The following SLC2A9 variants were observed in gnomAD, a reference collection of about 807,000 sequenced individuals.
SLC2A9 encodes solute carrier family 2, facilitated glucose transporter member 9.
Under a neutral mutation model 50.6 loss-of-function variants are expected in SLC2A9, and 39 were observed. The ratio of observed to expected loss-of-function variants is 0.77; its 90% CI spans 0.60 to 1.01. SLC2A9 has a LOEUF of 1.01. Ranked by LOEUF, SLC2A9 falls within the 50% of genes least tolerant of loss-of-function variation. The pLI, the probability that SLC2A9 is intolerant of heterozygous loss-of-function variation, is 0.00. For synonymous variants in SLC2A9, 324 were observed against 276.9 expected, an observed-to-expected ratio of 1.17 and a Z score of -1.69; for missense variants, 686 against 677.6, an observed-to-expected ratio of 1.01 and a Z score of -0.14.
intron 8 of SLC2A9, among the ~76,000 whole-genome samples, chr4:9,907,531 AT>A (rs1740909525): frequency 1.3e-5 from 2 of 152,208 alleles, no homozygotes; most frequent in African/African-American, 4.8e-5. Flanking sequence ...GGTCAACTGA[AT>A]GTCCTTTCTC....
chr4:9,778,295 T>C (rs1717850903), downstream of SLC2A9, among the ~76,000 whole-genome samples: 2 of 152,072 alleles, frequency 1.3e-5, no homozygotes, highest in Admixed American at 6.5e-5. Context: ...AATTTTTGCA[T>C]TTTTAGTAGA....
chr4:9,818,073 C>G lies in SLC2A9; in HGVS notation n.420+8347G>C, dbSNP rs1185875787. 2.0e-5 allele frequency among the ~76,000 whole-genome samples: 3 copies of G among 152,318 alleles called. No individual in the cohort carries two copies. The East Asian group carries it at 5.8e-4, about 29-fold the overall frequency. ...TTGAGGATTATAGGTTCACTAGTCA[C>G]CTCCTTGTCGGAGGCCCAGCATCTT... On this transcript the variant is annotated intron_variant and non_coding_transcript_variant, in intron 3 of 3. Coordinates refer to the SLC2A9 transcript ENST00000503280.
At chr4:9,844,534 GTTA>G (rs1338357605) in intron 10 of SLC2A9, among the ~76,000 whole-genome samples, 1 of 152,138 alleles carries the variant, frequency 6.6e-6, no homozygotes, top group African/African-American at 2.4e-5. Context: ...GTTATACTTA[GTTA>G]TGTTCAAGTG....
chr4:9,863,345 C>T (rs1317355941), intron 10 of SLC2A9, among the ~76,000 whole-genome samples: 1 of 151,882 alleles, frequency 6.6e-6, no homozygotes, highest in Non-Finnish European at 1.5e-5. Context: ...TGAGGTCTTG[C>T]TACATTGCCT....
chr4:9,872,517 A>C (rs1341750459), intron 10 of SLC2A9, among the ~76,000 whole-genome samples: 1 of 152,266 alleles, frequency 6.6e-6, no homozygotes, highest in African/African-American at 2.4e-5. Flanking sequence ...TGAATGAATA[A>C]ATTCGATAAA....
intron 10 of SLC2A9, among the ~76,000 whole-genome samples, chr4:9,853,625 C>G (rs985150691): frequency 6.6e-6 from 1 of 152,152 alleles, no homozygotes; most frequent in African/African-American, 2.4e-5. Context: ...TATTTGGGAC[C>G]TGAACTTAAC....
At chr4:10,038,567 G>C (rs1022478061) in intron 1 of SLC2A9, among the ~76,000 whole-genome samples, 1 of 150,532 alleles carries the variant, frequency 6.6e-6, no homozygotes, top group Non-Finnish European at 1.5e-5. Context: ...CCAGGCCACG[G>C]AACAAAGTGT....
downstream of SLC2A9, among the ~76,000 whole-genome samples, chr4:9,778,637 C>T (rs113778944): frequency 5.0e-4 from 76 of 152,296 alleles, no homozygotes; most frequent in African/African-American, 1.8e-3. Flanking sequence ...GACCATTCCT[C>T]CCTCCTCCGG....
At chr4:9,885,820 G>A (rs62293296) in intron 10 of SLC2A9, among the ~76,000 whole-genome samples, 16,689 of 152,252 alleles carry the variant, frequency 0.11, 1,036 homozygotes, top group African/African-American at 0.13. Flanking sequence ...CAACCATGCA[G>A]TCCATTCATT....
intron 1 of SLC2A9, among the ~76,000 whole-genome samples, chr4:9,771,614 G>T (rs867735569): frequency 3.3e-5 from 5 of 152,242 alleles, no homozygotes; most frequent in African/African-American, 1.2e-4. Context: ...ACTCCAAGAG[G>T]CTAAGATGAC....
At chr4:9,954,552 G>T (rs977508739) in intron 5 of SLC2A9, among the ~76,000 whole-genome samples, 5 of 152,192 alleles carry the variant, frequency 3.3e-5, no homozygotes, top group African/African-American at 1.2e-4. Flanking sequence ...ATACATGCAG[G>T]GGGTGAGACC....
At chr4:9,964,235 T>A (rs932182074) in intron 5 of SLC2A9, among the ~76,000 whole-genome samples, 23 of 151,646 alleles carry the variant, frequency 1.5e-4, no homozygotes, top group African/African-American at 5.6e-4. Context: ...TCAACAGGGA[T>A]TGGCCAGGGC....
intron 5 of SLC2A9, among the ~76,000 whole-genome samples, chr4:9,975,652 T>C (rs1754674703): frequency 6.6e-6 from 1 of 151,222 alleles, no homozygotes; most frequent in Non-Finnish European, 1.5e-5. Context: ...GCACTGTTGG[T>C]GGGAATGTAA....
intron 6 of SLC2A9, among the ~76,000 whole-genome samples, chr4:9,923,168 CA>C (rs1398548273): frequency 2.0e-5 from 3 of 152,142 alleles, no homozygotes; most frequent in Non-Finnish European, 4.4e-5. Flanking sequence ...CCAGAGAAGG[CA>C]GGGGCACTCT....
intron 3 of SLC2A9, among the ~76,000 whole-genome samples, chr4:9,784,520 AT>A (rs1247090429): frequency 3.9e-5 from 6 of 152,222 alleles, no homozygotes; most frequent in African/African-American, 1.4e-4. Flanking sequence ...TTAAATAGGC[AT>A]TTTCCTTAGT....
At chr4:9,888,731 C>T (rs568898866) in intron 9 of SLC2A9, among the ~76,000 whole-genome samples, 1 of 151,990 alleles carries the variant, frequency 6.6e-6, no homozygotes, top group Non-Finnish European at 1.5e-5. Context: ...TAAGAGGGCA[C>T]CATCGGCGGG....
At chr4:9,887,495 T>C in intron 10 of SLC2A9, 72 bp downstream of exon 10, 2 of 1,439,640 alleles carry the variant, frequency 1.4e-6, no homozygotes, top group Non-Finnish European at 1.9e-6. Context: ...CCCATCTGTA[T>C]GAGGAGAGCC....
At chr4:10,025,906 A>G (rs1247102095), upstream of SLC2A9, 3 of 1,613,778 alleles carry the variant, frequency 1.9e-6, no homozygotes, top group Non-Finnish European at 2.5e-6. Context: ...GGACTGACCA[A>G]TTTCTTTTTC....
chr4:9,928,272 G>A (rs546918519), intron 6 of SLC2A9, among the ~76,000 whole-genome samples: 10 of 152,338 alleles, frequency 6.6e-5, no homozygotes, highest in African/African-American at 1.2e-4. Context: ...GCCTCACAGA[G>A]ATTTTCAAAT....
Sources: allele counts gnomAD v4.1 joint callset (sites outside exome capture counted in the v4.1 genomes callset), GRCh38; gene constraint gnomAD v4.1.1; transcripts MANE v1.5; gene names NCBI Gene and HGNC (gene_info 2026-07-23, HGNC 2026-07-21).